DIPK1A: variants seen among roughly 807,000 people sequenced by gnomAD.
The protein encoded by DIPK1A is divergent protein kinase domain 1A.
A neutral mutation model predicts 40.8 loss-of-function variants in DIPK1A; 27 were observed. The ratio of observed to expected loss-of-function variants is 0.66; its 90% CI spans 0.49 to 0.91. The LOEUF (loss-of-function observed/expected upper bound fraction) is 0.91. DIPK1A is among the 40% of genes least tolerant of loss of function. The probability of loss-of-function intolerance (pLI) is 0.00; values close to 1 mark genes in which losing one functional copy is unlikely to be tolerated. For missense variants in DIPK1A, 412 were observed against 505.7 expected (o/e 0.81, Z 1.78); for synonymous variants, 166 against 171.3 (o/e 0.97, Z 0.24).
intron 2 of DIPK1A, among the ~76,000 whole-genome samples, chr1:92,870,777 G>C (rs1263831180): frequency 1.3e-5 from 2 of 152,186 alleles, no homozygotes; most frequent in Non-Finnish European, 2.9e-5. Flanking sequence ...CCTTGCTCAA[G>C]GTCATATCTC....
chr1:92,958,257 C>T (rs943851579), intron 1 of DIPK1A, among the ~76,000 whole-genome samples: 1 of 152,112 alleles, frequency 6.6e-6, no homozygotes. Flanking sequence ...TTACCAAATG[C>T]CACAGTGATA....
chr1:92,959,017 G>A (rs1250161255), intron 1 of DIPK1A, among the ~76,000 whole-genome samples: 1 of 152,236 alleles, frequency 6.6e-6, no homozygotes. Context: ...CAGGCTTGAT[G>A]GCTCATGCCT....
At chr1:92,873,389 TG>T (rs1378541641) in intron 2 of DIPK1A, among the ~76,000 whole-genome samples, 1 of 152,036 alleles carries the variant, frequency 6.6e-6, no homozygotes, top group Non-Finnish European at 1.5e-5. Context: ...CCGAGGCAGG[TG>T]GATCACCTGA....
intron 1 of DIPK1A, among the ~76,000 whole-genome samples, chr1:92,957,554 CCTT>C (rs1651902857): frequency 6.6e-6 from 1 of 152,332 alleles, no homozygotes; most frequent in South Asian, 2.1e-4. Context: ...GGTCACAAGT[CCTT>C]CTAGCCCACA....
intron 1 of DIPK1A, among the ~76,000 whole-genome samples, chr1:92,909,507 C>T (rs1649748853): frequency 6.6e-6 from 1 of 152,086 alleles, no homozygotes; most frequent in Non-Finnish European, 1.5e-5. Flanking sequence ...TACTTGTTCT[C>T]CTGTGATCAC....
chr1:92,926,526 G>A (rs1650517160), intron 1 of DIPK1A, among the ~76,000 whole-genome samples: 1 of 152,182 alleles, frequency 6.6e-6, no homozygotes, highest in Admixed American at 6.5e-5. Flanking sequence ...ACTGGGGCAA[G>A]CTGGTTAACA....
chr1:92,927,071 G>A (rs1369439335), intron 1 of DIPK1A, among the ~76,000 whole-genome samples: 2 of 151,836 alleles, frequency 1.3e-5, no homozygotes, highest in East Asian at 1.9e-4. Flanking sequence ...CTCTTTTGGG[G>A]TGAACTGAAA....
At chr1:92,920,270 C>T (rs543931329) in intron 1 of DIPK1A, among the ~76,000 whole-genome samples, 1 of 152,194 alleles carries the variant, frequency 6.6e-6, no homozygotes, top group African/African-American at 2.4e-5. Flanking sequence ...GCAGTTTCCC[C>T]TATACTGTTC....
chr1:92,940,012 T>G (rs1195042771), intron 1 of DIPK1A, among the ~76,000 whole-genome samples: 2 of 152,120 alleles, frequency 1.3e-5, no homozygotes, highest in Non-Finnish European at 2.9e-5. Flanking sequence ...AACTAATCCT[T>G]TAAGTACCTG....
chr1:92,927,378 T>G (rs80264213), intron 1 of DIPK1A, among the ~76,000 whole-genome samples: 46,612 of 147,178 alleles, frequency 0.32, 7,960 homozygotes, highest in Non-Finnish European at 0.37. Context: ...TTTTTTTTTT[T>G]TTTTTTTTTG....
intron 2 of DIPK1A, among the ~76,000 whole-genome samples, chr1:92,854,734 CCA>C (rs1241186400): frequency 5.9e-5 from 9 of 152,208 alleles, no homozygotes; most frequent in Non-Finnish European, 1.2e-4. Context: ...GTTTGGGAGG[CCA>C]CTTGGGAGAG....
chr1:92,848,759 C>T (rs1342621073), intron 3 of DIPK1A, among the ~76,000 whole-genome samples: 2 of 152,230 alleles, frequency 1.3e-5, no homozygotes, highest in Non-Finnish European at 2.9e-5. Context: ...GTGCCTCAAA[C>T]AGTGCCTGGC....
intron 2 of DIPK1A, among the ~76,000 whole-genome samples, chr1:92,865,218 C>T (rs1405048896): frequency 3.3e-5 from 5 of 151,742 alleles, no homozygotes; most frequent in Admixed American, 3.3e-4. Context: ...TAAAAATTAG[C>T]TGGGCATGGT....
At chr1:92,905,440 C>T (rs1649584155) in intron 1 of DIPK1A, among the ~76,000 whole-genome samples, 1 of 152,122 alleles carries the variant, frequency 6.6e-6, no homozygotes, top group Non-Finnish European at 1.5e-5. Flanking sequence ...TTCTAAGAAA[C>T]ATTATTCAGA....
chr1:92,956,009 C>T (rs770249141), intron 1 of DIPK1A, among the ~76,000 whole-genome samples: 22 of 151,726 alleles, frequency 1.4e-4, no homozygotes, highest in Non-Finnish European at 2.9e-4. Flanking sequence ...GAACTCCAGC[C>T]TGGGTGACAG....
intron 1 of DIPK1A, among the ~76,000 whole-genome samples, chr1:92,939,656 A>C (rs1319882590): frequency 6.6e-6 from 1 of 152,158 alleles, no homozygotes; most frequent in African/African-American, 2.4e-5. Flanking sequence ...GATCATAGAA[A>C]ATTTACATTT....
chr1:92,883,295 G>T (rs1648460864), intron 1 of DIPK1A, among the ~76,000 whole-genome samples: 1 of 152,160 alleles, frequency 6.6e-6, no homozygotes, highest in South Asian at 2.1e-4. Context: ...ATATATAAAA[G>T]GAATGTTGGC....
rs56214344 is a variant in DIPK1A, at chr1:92,847,741, C to T, written c.298-382G>A. Among the ~76,000 whole-genome samples the T allele has an allele frequency of 2.5e-3, 385 of 152,178 alleles. 1 individual carries two copies. The highest frequency in any genetic ancestry group is 4.3e-3 in the Non-Finnish European group (295 of 68,012). ...AGTGTTAACTATGTCCTATGGTCTACTAATTTATTTTAGAGACAGGGTCTT... is the reference window on the plus strand; with the variant it reads ...AGTGTTAACTATGTCCTATGGTCTATTAATTTATTTTAGAGACAGGGTCTT... On this transcript the variant is annotated intron_variant, in intron 3 of 4. Coordinates refer to ENST00000370310, the MANE Select transcript of DIPK1A (RefSeq NM_001006605.5).
At chr1:92,852,149 C>T (rs1687844250) in intron 2 of DIPK1A, among the ~76,000 whole-genome samples, 1 of 152,036 alleles carries the variant, frequency 6.6e-6, no homozygotes, top group African/African-American at 2.4e-5. Context: ...AAGATCTATA[C>T]AGCAAATCTA....
Sources: allele counts gnomAD v4.1 joint callset (sites outside exome capture counted in the v4.1 genomes callset), GRCh38; gene constraint gnomAD v4.1.1; transcripts MANE v1.5; gene names NCBI Gene and HGNC (gene_info 2026-07-23, HGNC 2026-07-21).